The following UBASH3B variants were observed in gnomAD, a reference collection of about 807,000 sequenced individuals.
The protein encoded by UBASH3B is ubiquitin associated and SH3 domain containing B, also known as ubiquitin-associated and SH3 domain-containing protein B.
UBASH3B carries 37 observed loss-of-function variants against 83.4 expected under a neutral mutation model. The ratio of observed to expected loss-of-function variants is 0.44; its 90% CI spans 0.34 to 0.58. The LOEUF (loss-of-function observed/expected upper bound fraction) is 0.58. Ranked by LOEUF, UBASH3B falls within the 20% of genes least tolerant of loss-of-function variation. The pLI is 0.01. For synonymous variants in UBASH3B, 304 were observed against 318.3 expected, an observed-to-expected ratio of 0.96 and a Z score of 0.48; for missense variants, 657 against 827.2, an observed-to-expected ratio of 0.79 and a Z score of 2.52.
At chr11:122,776,976 T>A (rs372671239) in intron 2 of UBASH3B, 48 bp from the exon 3 acceptor site, 1 of 1,506,510 alleles carries the variant, frequency 6.6e-7, no homozygotes, top group Non-Finnish European at 8.9e-7. Flanking sequence ...TTTTTTCCCC[T>A]CCCATTATTC....
chr11:122,762,250 T>C (rs1861382622), intron 1 of UBASH3B, among the ~76,000 whole-genome samples: 1 of 152,210 alleles, frequency 6.6e-6, no homozygotes, highest in South Asian at 2.1e-4. Context: ...ATAATAATAG[T>C]TCACTGCATA....
chr11:122,688,990 GGGT>G (rs368049204), intron 1 of UBASH3B, among the ~76,000 whole-genome samples: 3 of 136,656 alleles, frequency 2.2e-5, no homozygotes, highest in African/African-American at 5.5e-5. Flanking sequence ...GGGGGGGGGG[GGGT>G]TCCACCATAT....
intron 1 of UBASH3B, among the ~76,000 whole-genome samples, chr11:122,710,181 A>T (rs1864173722): frequency 6.6e-6 from 1 of 151,362 alleles, no homozygotes; most frequent in Non-Finnish European, 1.5e-5. Context: ...AAGCATTCTG[A>T]ATCATGGATT....
chr11:122,770,915 G>A (rs1315783448), intron 1 of UBASH3B, among the ~76,000 whole-genome samples: 1 of 152,148 alleles, frequency 6.6e-6, no homozygotes, highest in African/African-American at 2.4e-5. Context: ...CCAGCATCCA[G>A]CTTATCTCTC....
At chr11:122,708,194 A>C (rs1864149204) in intron 1 of UBASH3B, among the ~76,000 whole-genome samples, 5 of 151,946 alleles carry the variant, frequency 3.3e-5, no homozygotes, top group Admixed American at 3.3e-4. Flanking sequence ...CATCTTCAAC[A>C]TGCTAGAGAA....
Position 122,810,390 on chromosome 11 carries a change from TTGTTCTTAGGTTACACA to T in UBASH3B, c.*507_*523del, listed in dbSNP as rs1861423140. On this transcript the variant is annotated 3_prime_UTR_variant, in exon 14 of 14. Transcript: ENST00000284273. ...ATTAGAAAACATGCCCTGAAGAGAG[TTGTTCTTAGGTTACACA>T]TGAAATCCTACCGTCACTAGCCCCC... 6.5e-6 allele frequency: 1 copy of T among 152,946 alleles called. No homozygotes were observed. The highest frequency in any genetic ancestry group is 2.4e-5 in the African/African-American group (1 of 41,226). The allele number at this position is 152,946 out of a possible 1,614,324, so 9.5% of individuals were successfully genotyped here. A position where few individuals can be genotyped will look rare whatever the true frequency, so the allele number is the denominator to read the frequency against.
intron 1 of UBASH3B, among the ~76,000 whole-genome samples, chr11:122,696,283 G>A (rs1432538865): frequency 6.6e-6 from 1 of 151,086 alleles, no homozygotes; most frequent in East Asian, 2.0e-4. Flanking sequence ...TAATAAGCCG[G>A]CAGGATTTTA....
Position 122,810,479 on chromosome 11 carries a change from A to G in UBASH3B, c.*593A>G, listed in dbSNP as rs1228982608. On this transcript the variant is annotated 3_prime_UTR_variant, in exon 14 of 14. Coordinates refer to ENST00000284273, the MANE Select transcript of UBASH3B (RefSeq NM_032873.5). Reference sequence around the variant, plus strand: ...AAGATACCCGCTTAAGGATGCTAACATTTACCCTGGTACTGCCACATTTTC... The same window carrying G: ...AAGATACCCGCTTAAGGATGCTAACGTTTACCCTGGTACTGCCACATTTTC... 2 of 152,466 alleles carry G rather than the reference A, an allele frequency of 1.3e-5. No homozygotes were observed. Among genetic ancestry groups the G allele is most frequent in the Non-Finnish European group, 2.9e-5 (2 of 68,040 alleles). 9.4% of individuals were successfully genotyped at this position (152,466 alleles called of 1,614,324 possible). A position where few individuals can be genotyped will look rare whatever the true frequency, so the allele number is the denominator to read the frequency against.
chr11:122,696,675 G>A (rs964879038), intron 1 of UBASH3B, among the ~76,000 whole-genome samples: 13 of 152,208 alleles, frequency 8.5e-5, no homozygotes, highest in Admixed American at 1.3e-4. Context: ...AGTTGCACGT[G>A]TGTCCGAGCT....
Position 122,666,420 on chromosome 11 carries a change from G to T in UBASH3B, c.161+10210G>T, listed in dbSNP as rs1045860104. ...TTGTTTTTTTTTTCTTTTGTTTTTT[G>T]TTTTGTTTTTCGTTTTGAGACGGAG... On this transcript the variant is annotated intron_variant, in intron 1 of 13. Coordinates refer to ENST00000284273, the MANE Select transcript of UBASH3B (RefSeq NM_032873.5). Among the ~76,000 whole-genome samples, 5 of 148,360 alleles carry T rather than the reference G, an allele frequency of 3.4e-5. No individual in the cohort carries two copies. In the East Asian group the frequency reaches 1.1e-3, roughly 31 times the overall value.
intron 3 of UBASH3B, among the ~76,000 whole-genome samples, chr11:122,779,184 C>T (rs985601267): frequency 3.9e-5 from 6 of 152,194 alleles, no homozygotes; most frequent in Admixed American, 1.3e-4. Context: ...CAATATCTCC[C>T]CAATCTCGCT....
At chr11:122,691,174 G>A (rs770408429) in intron 1 of UBASH3B, among the ~76,000 whole-genome samples, 30 of 152,166 alleles carry the variant, frequency 2.0e-4, no homozygotes, top group Non-Finnish European at 2.8e-4. Flanking sequence ...CTGGAAAAAC[G>A]AAACCACATG....
intron 5 of UBASH3B, among the ~76,000 whole-genome samples, chr11:122,785,896 G>A (rs1006985804): frequency 7.1e-4 from 108 of 152,314 alleles, no homozygotes; most frequent in African/African-American, 2.4e-3. Flanking sequence ...TTGTGAGTGA[G>A]AATAAAAAGG....
chr11:122,685,543 G>A (rs1479974042), intron 1 of UBASH3B, among the ~76,000 whole-genome samples: 7 of 151,892 alleles, frequency 4.6e-5, no homozygotes, highest in African/African-American at 1.5e-4. Context: ...TTATTTTTTT[G>A]TGTCGCTCTG....
At chr11:122,656,344 G>A (rs1471347312) in intron 1 of UBASH3B, 134 bp downstream of exon 1, 2 of 951,552 alleles carry the variant, frequency 2.1e-6, no homozygotes, top group African/African-American at 1.7e-5. Flanking sequence ...TGTTGGGGGC[G>A]GGATGGGCGC....
At chr11:122,757,652 A>T (rs181619893) in intron 1 of UBASH3B, among the ~76,000 whole-genome samples, 89 of 144,994 alleles carry the variant, frequency 6.1e-4, no homozygotes, top group African/African-American at 2.1e-3. Context: ...AGGGCTCAGG[A>T]GGGGTAAGAG....
At chr11:122,656,268 G>T (rs1004295775) in intron 1 of UBASH3B, 58 bp downstream of exon 1, 14 of 1,316,128 alleles carry the variant, frequency 1.1e-5, no homozygotes, top group African/African-American at 1.5e-5. Context: ...GCCGGCCCTC[G>T]GCTTCGCTCC....
chr11:122,667,037 CTTTTTTT>C (rs148029449), intron 1 of UBASH3B, among the ~76,000 whole-genome samples: 4 of 101,546 alleles, frequency 3.9e-5, no homozygotes, highest in East Asian at 3.0e-4. Flanking sequence ...TAATGGCATT[CTTTTTTT>C]TTTTTTTTTT....
intron 1 of UBASH3B, among the ~76,000 whole-genome samples, chr11:122,664,406 T>C (rs1480579049): frequency 6.6e-6 from 1 of 152,176 alleles, no homozygotes; most frequent in African/African-American, 2.4e-5. Flanking sequence ...CCAAGCAGAA[T>C]GCAGAGCCAT....
Sources: allele counts gnomAD v4.1 joint callset (sites outside exome capture counted in the v4.1 genomes callset), GRCh38; gene constraint gnomAD v4.1.1; transcripts MANE v1.5; gene names NCBI Gene and HGNC (gene_info 2026-07-23, HGNC 2026-07-21).